CHL1: variants seen among roughly 807,000 people sequenced by gnomAD.
The protein encoded by CHL1 is cell adhesion molecule L1 like, also known as neural cell adhesion molecule L1-like protein.
Under a neutral mutation model 141.9 loss-of-function variants are expected in CHL1, and 96 were observed. The observed-to-expected ratio is 0.68, with a 90% CI of 0.57 to 0.80. The LOEUF (loss-of-function observed/expected upper bound fraction) is 0.80. Among genes scored for constraint, CHL1 ranks in the 30% least tolerant of loss-of-function variants. CHL1 has a pLI of 0.00. For synonymous variants in CHL1, 613 were observed against 502.2 expected, an observed-to-expected ratio of 1.22 and a Z score of -2.95; for missense variants, 1,820 against 1,457.2, an observed-to-expected ratio of 1.25 and a Z score of -4.05.
intron 2 of CHL1, among the ~76,000 whole-genome samples, chr3:302,911 A>T (rs568026810): frequency 1.6e-4 from 25 of 152,088 alleles, no homozygotes; most frequent in African/African-American, 5.5e-4. Context: ...TCTTGAGTTG[A>T]TTTTTGTGTA....
At chr3:325,732 G>A (rs1700953280) in intron 3 of CHL1, among the ~76,000 whole-genome samples, 2 of 151,876 alleles carry the variant, frequency 1.3e-5, no homozygotes, top group South Asian at 4.1e-4. Flanking sequence ...ATTATTCTGG[G>A]TTTAAATAAA....
intron 15 of CHL1, among the ~76,000 whole-genome samples, chr3:370,857 T>G (rs1246303618): frequency 6.6e-6 from 1 of 152,228 alleles, no homozygotes; most frequent in African/African-American, 2.4e-5. Context: ...AATTTCATTA[T>G]TTACCTAGGA....
chr3:256,217 A>C (rs408741), intron 2 of CHL1, among the ~76,000 whole-genome samples: 58,201 of 152,002 alleles, frequency 0.38, 11,352 homozygotes, highest in South Asian at 0.61. Flanking sequence ...GAAATTTAAA[A>C]ATATAGTATG....
In CHL1 at chr3:390,832, G is replaced by C. The variant is rs774833438; in HGVS notation, c.2586+16G>C. On this transcript the variant is annotated intron_variant, in intron 21 of 27. Coordinates refer to ENST00000256509, the MANE Select transcript of CHL1 (RefSeq NM_006614.4). ...AGGCTATCAGGTTTTTATCATCATG[G>C]TTTTTCCTCTTCTTGTTGAATTGGT... The C allele has an allele frequency of 6.5e-7, 1 of 1,540,982 alleles. No homozygotes were observed. Among genetic ancestry groups the C allele is most frequent in the African/African-American group, 1.4e-5 (1 of 73,186 alleles).
intron 1 of CHL1, among the ~76,000 whole-genome samples, chr3:223,109 A>C (rs935612182): frequency 6.6e-6 from 1 of 152,198 alleles, no homozygotes; most frequent in African/African-American, 2.4e-5. Context: ...ATGTAAGGTA[A>C]TATTCTCAGG....
chr3:239,007 C>G (rs1367164652), intron 1 of CHL1, among the ~76,000 whole-genome samples: 1 of 151,806 alleles, frequency 6.6e-6, no homozygotes, highest in African/African-American at 2.4e-5. Context: ...GCTGCTCACA[C>G]ATGTAGCTTA....
At chr3:354,930 G>A (rs903424393) in intron 11 of CHL1, among the ~76,000 whole-genome samples, 159 bp downstream of exon 11, 2 of 152,046 alleles carry the variant, frequency 1.3e-5, no homozygotes, top group African/African-American at 4.8e-5. Flanking sequence ...CAATTTGGTT[G>A]TTAAGACTTG....
chr3:382,167 T>A lies in CHL1; in HGVS notation c.1877-12T>A, dbSNP rs1386870840. The A allele has an allele frequency of 1.2e-6, 2 of 1,606,836 alleles. No individual in the cohort carries two copies. The highest frequency in any genetic ancestry group is 2.7e-5 in the African/African-American group (2 of 74,702). On this transcript the variant is annotated splice_polypyrimidine_tract_variant and intron_variant, in intron 16 of 27. Coordinates refer to ENST00000256509, the MANE Select transcript of CHL1 (RefSeq NM_006614.4). ...GGCAATTATCTACATTTTCCCTTCC[T>A]TTATTAATTAGATGTTCCGGATCCA...
intron 2 of CHL1, among the ~76,000 whole-genome samples, chr3:257,524 T>A (rs970054619): frequency 6.6e-6 from 1 of 152,080 alleles, no homozygotes; most frequent in African/African-American, 2.4e-5. Flanking sequence ...TGGCTAATTT[T>A]GCATTTTTAG....
In CHL1 at chr3:342,850, G is replaced by A. The variant is rs1350227935; in HGVS notation, c.680-134G>A. On this transcript the variant is annotated intron_variant, in intron 7 of 27. Coordinates refer to ENST00000256509, the MANE Select transcript of CHL1 (RefSeq NM_006614.4). ...TTCTATGTAAAACTATATTCCCAAA[G>A]GCAATGTTCTAGTGAAGCATGGTTC... 8.4e-6 allele frequency: 5 copies of A among 596,202 alleles called. No homozygotes were observed. In the South Asian group the frequency reaches 9.7e-5, roughly 12 times the overall value. 36.9% of individuals were successfully genotyped at this position (596,202 alleles called of 1,614,324 possible). A position where few individuals can be genotyped will look rare whatever the true frequency, so the allele number is the denominator to read the frequency against.
intron 2 of CHL1, among the ~76,000 whole-genome samples, chr3:283,685 G>A (rs1282697853): frequency 2.0e-5 from 3 of 152,250 alleles, no homozygotes; most frequent in Middle Eastern, 3.4e-3. Flanking sequence ...ATCATTCATT[G>A]TGTGGGTAAC....
intron 2 of CHL1, among the ~76,000 whole-genome samples, chr3:307,847 T>C (rs1351787528): frequency 2.6e-5 from 4 of 152,226 alleles, no homozygotes; most frequent in African/African-American, 4.8e-5. Flanking sequence ...ACTATACTTA[T>C]GGGGTACATT....
chr3:330,329 G>C (rs1017838615), intron 5 of CHL1, among the ~76,000 whole-genome samples: 1 of 152,058 alleles, frequency 6.6e-6, no homozygotes, highest in Non-Finnish European at 1.5e-5. Context: ...TGAATGCAGT[G>C]AAAGCATTAT....
At chr3:338,598 T>A (rs1264190658) in intron 5 of CHL1, among the ~76,000 whole-genome samples, 3 of 152,150 alleles carry the variant, frequency 2.0e-5, no homozygotes, top group Non-Finnish European at 4.4e-5. Flanking sequence ...ACATAAAAAA[T>A]TCCTGAAAAA....
At chr3:243,515 G>C (rs1289425268) in intron 1 of CHL1, among the ~76,000 whole-genome samples, 1 of 152,158 alleles carries the variant, frequency 6.6e-6, no homozygotes, top group African/African-American at 2.4e-5. Context: ...GACACAGTCT[G>C]TGCAGTGTGT....
At chr3:361,376 C>A in intron 12 of CHL1, among the ~76,000 whole-genome samples, 1 of 123,780 alleles carries the variant, frequency 8.1e-6, no homozygotes, top group African/African-American at 2.9e-5. Flanking sequence ...CAAATGGGAT[C>A]TAATTAAACC....
chr3:299,475 T>C (rs332477), intron 2 of CHL1, among the ~76,000 whole-genome samples: 38,035 of 151,986 alleles, frequency 0.25, 7,216 homozygotes, highest in African/African-American at 0.52. Context: ...CCTCAGATGA[T>C]ATATTAGGCC....
intron 14 of CHL1, chr3:363,971 G>A (rs1220405983): frequency 6.6e-6 from 1 of 152,066 alleles, no homozygotes; most frequent in East Asian, 1.9e-4. Flanking sequence ...TTAATAAGGA[G>A]CATTTTTGTT....
intron 2 of CHL1, among the ~76,000 whole-genome samples, chr3:310,269 ATTTTTTTTT>A (rs796331051): frequency 6.6e-6 from 1 of 150,448 alleles, no homozygotes; most frequent in African/African-American, 2.4e-5. Flanking sequence ...TATCTCTATA[ATTTTTTTTT>A]TAATTAGCTG....
Sources: allele counts gnomAD v4.1 joint callset (sites outside exome capture counted in the v4.1 genomes callset), GRCh38; gene constraint gnomAD v4.1.1; transcripts MANE v1.5; gene names NCBI Gene and HGNC (gene_info 2026-07-23, HGNC 2026-07-21).